Variants in RALGAPA1 observed in about 807,000 individuals in gnomAD.
RALGAPA1 encodes the protein ral GTPase-activating protein subunit alpha-1.
RALGAPA1 carries 52 observed loss-of-function variants against 269.6 expected under a neutral mutation model. That is an observed-to-expected ratio of 0.19 (90% CI 0.15 to 0.24). The LOEUF is 0.24. RALGAPA1 is among the 10% of genes least tolerant of loss of function. The probability of loss-of-function intolerance (pLI) is 1.00; values close to 1 mark genes in which losing one functional copy is unlikely to be tolerated. For missense variants in RALGAPA1, 1,917 were observed against 3,013.9 expected (o/e 0.64, Z 8.52); for synonymous variants, 817 against 1,008.3 (o/e 0.81, Z 3.60).
intron 12 of RALGAPA1, among the ~76,000 whole-genome samples, chr14:35,731,256 C>T (rs2070450651): frequency 6.6e-6 from 1 of 152,194 alleles, no homozygotes; most frequent in South Asian, 2.1e-4. Context: ...CTTAGACCTT[C>T]CCTCTGACAG....
chr14:35,758,125 G>A (rs909107431), intron 6 of RALGAPA1, among the ~76,000 whole-genome samples: 5 of 151,030 alleles, frequency 3.3e-5, no homozygotes, highest in Admixed American at 1.3e-4. Context: ...GGTGGCACAC[G>A]CCTGTAATCT....
intron 1 of RALGAPA1, among the ~76,000 whole-genome samples, chr14:35,803,953 G>A (rs555288280): frequency 6.6e-6 from 1 of 151,924 alleles, no homozygotes; most frequent in Admixed American, 6.6e-5. Context: ...AATTAAGAAA[G>A]CAAAAAAATT....
chr14:35,774,979 G>C, intron 3 of RALGAPA1, 27 bp downstream of exon 3: 1 of 1,426,600 alleles, frequency 7.0e-7, no homozygotes, highest in Non-Finnish European at 9.7e-7. Flanking sequence ...TTTGAAAAAG[G>C]GAAAAGTTAG....
intron 10 of RALGAPA1, among the ~76,000 whole-genome samples, chr14:35,747,724 C>T (rs2072253604): frequency 6.6e-6 from 1 of 152,178 alleles, no homozygotes; most frequent in African/African-American, 2.4e-5. Context: ...TGATCCCCCT[C>T]AGCTGCAAAA....
At chr14:35,579,482 C>T (rs1293188452) in intron 37 of RALGAPA1, among the ~76,000 whole-genome samples, 3 of 151,996 alleles carry the variant, frequency 2.0e-5, no homozygotes, top group Admixed American at 6.6e-5. Context: ...GTGGTGCACG[C>T]CTGTAGTCCC....
Position 35,549,192 on chromosome 14 carries a change from GTGC to G in RALGAPA1, c.7536_7538del (p.Gln2512del). 6.2e-7 allele frequency: 1 copy of G among 1,612,774 alleles called. No homozygotes were observed. The highest frequency in any genetic ancestry group is 8.5e-7 in the Non-Finnish European group (1 of 1,179,210). On this transcript the variant is annotated inframe_deletion, in exon 40 of 42. Transcript: ENST00000680220. ...CTTCAAATGTTGTTGGTTCTAAGTG[GTGC>G]TGGACAATTGTTTGCAGGTATCGTG... is the stretch of plus-strand genomic sequence containing the variant.
chr14:35,593,855 A>AAAAT (rs1290171176), intron 37 of RALGAPA1, among the ~76,000 whole-genome samples: 2 of 151,908 alleles, frequency 1.3e-5, no homozygotes, highest in African/African-American at 4.8e-5. Flanking sequence ...CCCTGTCTCA[A>AAAAT]AAATAAATAA....
At chr14:35,572,296 T>C (rs953056031) in intron 38 of RALGAPA1, among the ~76,000 whole-genome samples, 3 of 152,226 alleles carry the variant, frequency 2.0e-5, no homozygotes, top group African/African-American at 7.2e-5. Context: ...AAGTCCTTTT[T>C]GAGCTTGGTA....
chr14:35,630,803 G>A (rs149636971), intron 33 of RALGAPA1, among the ~76,000 whole-genome samples: 6,816 of 152,138 alleles, frequency 0.045, 220 homozygotes, highest in Middle Eastern at 0.075. Flanking sequence ...CCTGGCAGGC[G>A]GAGGTTGCAG....
chr14:35,788,101 A>G (rs1424670247), intron 1 of RALGAPA1, among the ~76,000 whole-genome samples: 3 of 152,064 alleles, frequency 2.0e-5, no homozygotes, highest in Admixed American at 2.0e-4. Context: ...CCTCCCGGGT[A>G]GCTGGGATTA....
rs2066210172 is a variant in RALGAPA1, at chr14:35,688,823, G to A, written c.3588C>T (p.Thr1196=). 1.0e-5 allele frequency: 14 copies of A among 1,360,970 alleles called. No individual in the cohort carries two copies. The highest frequency in any genetic ancestry group is 1.3e-5 in the Non-Finnish European group (14 of 1,060,160). The allele number at this position is 1,360,970 out of a possible 1,614,324, so 84.3% of individuals were successfully genotyped here. ...SGSSNSSTSN[T]HTSTNSATEL... ...CTGTAGCACTATTTGTGCTGGTATG[G>A]GTGTTGCTAGTGCTGCTATTGCTGC... Residue 1196 remains threonine, a synonymous_variant, in exon 18 of 42, where the codon ACC becomes ACT. Transcript: ENST00000680220.
chr14:35,700,339 A>G, intron 16 of RALGAPA1, 37 bp from the exon 17 acceptor site: 1 of 1,475,718 alleles, frequency 6.8e-7, no homozygotes, highest in Admixed American at 2.6e-5. Flanking sequence ...GGGAAGGAAA[A>G]AAGAAGAGTG....
At chr14:35,589,692 T>C (rs2058524083) in intron 37 of RALGAPA1, among the ~76,000 whole-genome samples, 1 of 150,076 alleles carries the variant, frequency 6.7e-6, no homozygotes, top group African/African-American at 2.5e-5. Flanking sequence ...TTTATGTATG[T>C]ATTTATTTAT....
chr14:35,751,955 C>G (rs2072751711), intron 8 of RALGAPA1, 69 bp downstream of exon 8: 11 of 1,523,004 alleles, frequency 7.2e-6, no homozygotes, highest in Non-Finnish European at 8.8e-7. Flanking sequence ...GTAACAAATG[C>G]CAACTTTACA....
intron 39 of RALGAPA1, among the ~76,000 whole-genome samples, chr14:35,561,815 C>T (rs2056286645): frequency 6.6e-6 from 1 of 151,940 alleles, no homozygotes; most frequent in Admixed American, 6.6e-5. Flanking sequence ...CTAGTTACAG[C>T]CACCGCGGCT....
At chr14:35,632,451 T>C (rs1483943141) in intron 33 of RALGAPA1, among the ~76,000 whole-genome samples, 2 of 152,312 alleles carry the variant, frequency 1.3e-5, no homozygotes, top group South Asian at 2.1e-4. Context: ...CAGATTATTA[T>C]GGCGTACAAA....
At chr14:35,707,427 G>C (rs1162493467) in intron 16 of RALGAPA1, 1 of 152,146 alleles carries the variant, frequency 6.6e-6, no homozygotes, top group East Asian at 1.9e-4. Flanking sequence ...CTAGAGGTAA[G>C]TTGTCCTGTG....
At chr14:35,641,099 A>C (rs1290752068) in intron 31 of RALGAPA1, among the ~76,000 whole-genome samples, 1 of 152,170 alleles carries the variant, frequency 6.6e-6, no homozygotes, top group Non-Finnish European at 1.5e-5. Flanking sequence ...CCTCAACATA[A>C]TAAAAGCCAT....
At chr14:35,601,694 A>G (rs2059299271) in intron 36 of RALGAPA1, among the ~76,000 whole-genome samples, 1 of 152,110 alleles carries the variant, frequency 6.6e-6, no homozygotes, top group African/African-American at 2.4e-5. Flanking sequence ...CCACTATGTC[A>G]TTCTTCCGTC....
Sources: allele counts gnomAD v4.1 joint callset (sites outside exome capture counted in the v4.1 genomes callset), GRCh38; gene constraint gnomAD v4.1.1; transcripts MANE v1.5; gene names NCBI Gene and HGNC (gene_info 2026-07-23, HGNC 2026-07-21).